The following GTF2I variants were observed in gnomAD, a reference collection of about 807,000 sequenced individuals.
GTF2I encodes the protein general transcription factor IIi.
In GTF2I, 12 loss-of-function variants were observed where a neutral mutation model predicts 67.6. That is an observed-to-expected ratio of 0.18 (90% confidence interval 0.11 to 0.29). The LOEUF is 0.29. GTF2I is among the 10% of genes least tolerant of loss of function. GTF2I has a pLI of 1.00. For synonymous variants in GTF2I, 149 were observed against 197.0 expected (o/e 0.76, Z 2.04); for missense variants, 271 against 580.1 (o/e 0.47, Z 5.47).
chr7:74,707,855 A>G (rs1790947963), intron 8 of GTF2I, among the ~76,000 whole-genome samples: 1 of 151,702 alleles, frequency 6.6e-6, no homozygotes, highest in African/African-American at 2.4e-5. Flanking sequence ...CTTTATGTAC[A>G]CATCAGCATC....
chr7:74,691,176 C>T, intron 3 of GTF2I, 65 bp downstream of exon 3: 2 of 975,524 alleles, frequency 2.1e-6, no homozygotes, highest in Non-Finnish European at 3.1e-6. Flanking sequence ...GTAGGTAAGA[C>T]AAGTTATATT....
At chr7:74,680,099 A>AAAAAAAAAAAAAAAAATATATATATAT in intron 1 of GTF2I, among the ~76,000 whole-genome samples, 2 of 94,978 alleles carry the variant, frequency 2.1e-5, no homozygotes, top group African/African-American at 8.0e-5. Context: ...AAAAAAAAAA[A>AAAAAAAAAAAAAAAAATATATATATAT]ATATATATAT....
At chr7:74,688,427 T>C (rs1460815707) in intron 1 of GTF2I, among the ~76,000 whole-genome samples, 4 of 152,120 alleles carry the variant, frequency 2.6e-5, no homozygotes, top group African/African-American at 9.7e-5. Flanking sequence ...TGGTAAAATA[T>C]ACTTAACATA....
intron 10 of GTF2I, 187 bp from the exon 11 acceptor site, chr7:74,716,707 C>T (rs1554403692): frequency 8.1e-6 from 4 of 494,288 alleles, no homozygotes; most frequent in Non-Finnish European, 7.2e-6. Context: ...TTTTTAGCTT[C>T]CAAATAGAAG....
chr7:74,669,797 C>T (rs587635771), intron 1 of GTF2I, among the ~76,000 whole-genome samples: 3 of 152,220 alleles, frequency 2.0e-5, no homozygotes, highest in Admixed American at 1.3e-4. Context: ...TCCCAAAGTG[C>T]GGGGATTACA....
At chr7:74,695,174 A>G (rs587665780) in intron 3 of GTF2I, among the ~76,000 whole-genome samples, 1 of 152,208 alleles carries the variant, frequency 6.6e-6, no homozygotes, top group African/African-American at 2.4e-5. Context: ...CTTGTTGCCC[A>G]TGCTGGAGTG....
At chr7:74,716,026 C>A (rs1259821095) in intron 10 of GTF2I, among the ~76,000 whole-genome samples, 1 of 152,062 alleles carries the variant, frequency 6.6e-6, no homozygotes, top group Non-Finnish European at 1.5e-5. Flanking sequence ...ACATCTGCTT[C>A]CTTTCCCCTC....
At chr7:74,722,336 A>G (rs1462811540) in intron 12 of GTF2I, among the ~76,000 whole-genome samples, 2 of 152,160 alleles carry the variant, frequency 1.3e-5, no homozygotes, top group Non-Finnish European at 2.9e-5. Context: ...ATAGGACCGC[A>G]TGCCTCAGTT....
intron 1 of GTF2I, among the ~76,000 whole-genome samples, chr7:74,666,294 G>A (rs782695187): frequency 5.3e-5 from 8 of 152,116 alleles, no homozygotes; most frequent in African/African-American, 9.7e-5. Flanking sequence ...TTTTCAGACC[G>A]TAATTGGTTT....
intron 3 of GTF2I, among the ~76,000 whole-genome samples, chr7:74,697,834 T>A (rs1436418396): frequency 6.6e-6 from 1 of 152,170 alleles, no homozygotes; most frequent in East Asian, 1.9e-4. Flanking sequence ...AGTGGTGCAA[T>A]CTTGGCTCAC....
intron 3 of GTF2I, among the ~76,000 whole-genome samples, chr7:74,698,190 C>T (rs1259149426): frequency 6.6e-6 from 1 of 151,940 alleles, no homozygotes; most frequent in African/African-American, 2.4e-5. Context: ...CTCCTGACCT[C>T]GTGATCCACC....
intron 2 of GTF2I, 46 bp from the exon 3 acceptor site, chr7:74,690,927 T>G (rs1554396855): frequency 6.4e-7 from 1 of 1,570,624 alleles, no homozygotes; most frequent in Non-Finnish European, 8.6e-7. Flanking sequence ...GAAATGATGC[T>G]CTTAAACGTC....
chr7:74,730,631 AT>A (rs1370347037), intron 14 of GTF2I, among the ~76,000 whole-genome samples: 1 of 123,168 alleles, frequency 8.1e-6, no homozygotes, highest in Non-Finnish European at 1.7e-5. Context: ...ATTAAAAATT[AT>A]TTTTTTAACT....
intron 4 of GTF2I, chr7:74,699,697 ACAGT>A (rs1350746990): frequency 2.6e-5 from 4 of 154,254 alleles, no homozygotes; most frequent in African/African-American, 7.2e-5. Flanking sequence ...TTACAAGAAA[ACAGT>A]CAAAGGAGGA....
intron 12 of GTF2I, among the ~76,000 whole-genome samples, chr7:74,723,555 G>A (rs1793367995): frequency 6.7e-6 from 1 of 148,176 alleles, no homozygotes; most frequent in African/African-American, 2.5e-5. Context: ...CTCAGCCTCT[G>A]GAGTAGCTGG....
intron 9 of GTF2I, among the ~76,000 whole-genome samples, chr7:74,713,944 A>G (rs1195141053): frequency 6.6e-6 from 1 of 151,896 alleles, no homozygotes; most frequent in African/African-American, 2.4e-5. Flanking sequence ...CATGCAATTG[A>G]TTTTTTTCTC....
intron 1 of GTF2I, among the ~76,000 whole-genome samples, chr7:74,667,301 C>T (rs117292797): frequency 6.6e-6 from 1 of 152,004 alleles, no homozygotes; most frequent in Non-Finnish European, 1.5e-5. Context: ...CGAGATCTTG[C>T]CACTGCTCTC....
intron 8 of GTF2I, among the ~76,000 whole-genome samples, chr7:74,707,300 A>G (rs1287069501): frequency 3.3e-5 from 5 of 152,092 alleles, no homozygotes; most frequent in Non-Finnish European, 1.5e-5. Flanking sequence ...TTCACACGGG[A>G]CACTCCTTAG....
chr7:74,685,986 G>A (rs587768005), intron 1 of GTF2I, among the ~76,000 whole-genome samples: 2 of 152,316 alleles, frequency 1.3e-5, no homozygotes, highest in African/African-American at 4.8e-5. Context: ...CCGGGAGGCG[G>A]AGCTTGCAGT....
Sources: allele counts gnomAD v4.1 joint callset (sites outside exome capture counted in the v4.1 genomes callset), GRCh38; gene constraint gnomAD v4.1.1; transcripts MANE v1.5; gene names NCBI Gene and HGNC (gene_info 2026-07-23, HGNC 2026-07-21).